The following MYO3A variants were observed in gnomAD, a reference collection of about 807,000 sequenced individuals.
The protein encoded by MYO3A is myosin-IIIa.
MYO3A carries 180 observed loss-of-function variants against 192.7 expected under a neutral mutation model. The observed-to-expected ratio is 0.93, with a 90% confidence interval of 0.83 to 1.06. MYO3A has a LOEUF of 1.06. MYO3A is among the 50% of genes least tolerant of loss of function. The pLI is 0.00. For synonymous variants in MYO3A, 628 were observed against 645.3 expected (o/e 0.97, Z 0.41); for missense variants, 1,896 against 1,905.0 (o/e 1.00, Z 0.09).
Position 26,070,204 on chromosome 10 carries a change from A to G in MYO3A, c.1264A>G (p.Asn422Asp). ...AGGATATCAATCTATGATAACATATAATTCAGATCAGGTAAGAAGAGTCTC... is the reference window on the plus strand; with the variant it reads ...AGGATATCAATCTATGATAACATATGATTCAGATCAGGTAAGAAGAGTCTC... ...DLGYQSMITY[N>D]SDQCIVISGE... is the part of the protein sequence containing the mutation. The change falls in exon 13 of 35, where the codon AAT becomes GAT. Residue 422 changes from asparagine (N) to aspartate (D), a missense_variant. Physicochemically the swap from Asn to Asp is conservative, Grantham distance 23. Coordinates refer to ENST00000642920, the MANE Select transcript of MYO3A (RefSeq NM_017433.5). 6.2e-7 allele frequency: 1 copy of G among 1,608,944 alleles called. No individual in the cohort carries two copies. Among genetic ancestry groups the G allele is most frequent in the Non-Finnish European group, 8.5e-7 (1 of 1,175,476 alleles).
chr10:26,088,471 A>C, intron 15 of MYO3A, 66 bp downstream of exon 15: 2 of 1,443,080 alleles, frequency 1.4e-6, no homozygotes, highest in Non-Finnish European at 1.9e-6. Flanking sequence ...TTTAATAGTA[A>C]AATGTCTTTC....
intron 23 of MYO3A, among the ~76,000 whole-genome samples, chr10:26,148,014 T>C (rs1564596731): frequency 6.6e-6 from 1 of 152,236 alleles, no homozygotes; most frequent in African/African-American, 2.4e-5. Context: ...GTTGTTTTTC[T>C]TTACTGGAGT....
At chr10:26,086,628 A>G (rs1045296215) in intron 14 of MYO3A, among the ~76,000 whole-genome samples, 3 of 152,010 alleles carry the variant, frequency 2.0e-5, no homozygotes, top group Non-Finnish European at 4.4e-5. Flanking sequence ...AGAGACCTAA[A>G]AAAAAAAGGT....
At chr10:26,109,104 G>A (rs1838004814) in intron 17 of MYO3A, among the ~76,000 whole-genome samples, 1 of 152,152 alleles carries the variant, frequency 6.6e-6, no homozygotes. Context: ...ATTTAATAAG[G>A]ACTTCTTGAG....
intron 2 of MYO3A, among the ~76,000 whole-genome samples, chr10:25,950,112 G>A (rs536843560): frequency 2.6e-5 from 4 of 152,226 alleles, no homozygotes; most frequent in South Asian, 2.1e-4. Flanking sequence ...CTTCATAAAG[G>A]TTGGTCAGGG....
Position 26,154,785 on chromosome 10 carries a change from A to C in MYO3A, c.2755A>C (p.Thr919Pro). ...AGCCACACGTCATGCCAGAGAGACAACCAACATGAAAACACAAACGGTTGC... is the reference window on the plus strand; with the variant it reads ...AGCCACACGTCATGCCAGAGAGACACCCAACATGAAAACACAAACGGTTGC... ...GEATRHARET[T>P]NMKTQTVASY... Residue 919 changes from threonine (T) to proline (P), a missense_variant, in exon 25 of 35, where the codon ACC (threonine) becomes CCC (proline). Transcript: ENST00000642920. The C allele has an allele frequency of 6.2e-7, 1 of 1,613,924 alleles. No homozygotes were observed. The highest frequency in any genetic ancestry group is 8.5e-7 in the Non-Finnish European group (1 of 1,179,874).
chr10:26,066,144 AG>A lies in MYO3A; in HGVS notation c.954-830del, dbSNP rs1834827851. Among the ~76,000 whole-genome samples the A allele has an allele frequency of 4.2e-5, 2 of 48,024 alleles. 1 individual carries two copies. 31.5% of individuals were successfully genotyped at this position (48,024 alleles called of 152,430 possible). A position where few individuals can be genotyped will look rare whatever the true frequency, so the allele number is the denominator to read the frequency against. On this transcript the variant is annotated intron_variant, in intron 10 of 34. Transcript: ENST00000642920. ...CTCAAAAAAAAAAAAAAAAAAAAAA[AG>A]AGCAGTGGGCTTAGATAGGGGAACA...
At chr10:26,181,090 A>G (rs1178849125) in intron 31 of MYO3A, among the ~76,000 whole-genome samples, 1 of 152,186 alleles carries the variant, frequency 6.6e-6, no homozygotes, top group Non-Finnish European at 1.5e-5. Flanking sequence ...TGACCTGAGT[A>G]TTTATAAAAA....
intron 6 of MYO3A, among the ~76,000 whole-genome samples, chr10:26,004,630 A>G (rs1841068068): frequency 6.6e-6 from 1 of 152,244 alleles, no homozygotes; most frequent in African/African-American, 2.4e-5. Flanking sequence ...TTAGGGCTCC[A>G]TGAGATGACC....
chr10:26,151,964 A>T (rs1840815258), intron 23 of MYO3A, among the ~76,000 whole-genome samples: 1 of 152,214 alleles, frequency 6.6e-6, no homozygotes, highest in South Asian at 2.1e-4. Flanking sequence ...GTGTTACTTT[A>T]TCTGACCCAG....
chr10:26,135,787 G>T (rs1442028586), intron 20 of MYO3A, among the ~76,000 whole-genome samples: 1 of 151,764 alleles, frequency 6.6e-6, no homozygotes, highest in Non-Finnish European at 1.5e-5. Context: ...CCAACATGGC[G>T]ACACCTCATC....
At chr10:25,939,467 ACTT>A (rs1270341257) in intron 2 of MYO3A, among the ~76,000 whole-genome samples, 2 of 151,774 alleles carry the variant, frequency 1.3e-5, no homozygotes, top group Non-Finnish European at 2.9e-5. Flanking sequence ...TCTGTGCACT[ACTT>A]TAGTTGCTGG....
intron 17 of MYO3A, among the ~76,000 whole-genome samples, chr10:26,117,572 T>C (rs552869539): frequency 6.6e-6 from 1 of 152,270 alleles, no homozygotes; most frequent in African/African-American, 2.4e-5. Context: ...CAGCTCCCAC[T>C]TATAAGTGAG....
intron 25 of MYO3A, among the ~76,000 whole-genome samples, chr10:26,156,973 T>C (rs1310688042): frequency 1.4e-4 from 22 of 152,176 alleles, no homozygotes; most frequent in Admixed American, 1.3e-3. Context: ...ATATTATAAT[T>C]TGGTAAGTTA....
At chr10:26,055,586 A>C (rs1469416094) in intron 10 of MYO3A, among the ~76,000 whole-genome samples, 2 of 152,208 alleles carry the variant, frequency 1.3e-5, no homozygotes, top group African/African-American at 2.4e-5. Context: ...CCGTACTTTT[A>C]TGGGTTTTAC....
chr10:26,093,138 A>C lies in MYO3A; in HGVS notation c.1563-3243A>C, dbSNP rs78543381. ...ACACTTAACTGATACAAATGTGATC[A>C]TGATTGTTAACACTTAATTGATACA... On this transcript the variant is annotated intron_variant, in intron 15 of 34. Transcript: ENST00000642920. Among the ~76,000 whole-genome samples, 947 of 152,330 alleles carry C rather than the reference A, an allele frequency of 6.2e-3. 10 individuals are homozygous for C. The highest frequency in any genetic ancestry group is 0.012 in the Non-Finnish European group (801 of 68,022).
At chr10:26,176,109 G>A (rs981604615) in intron 30 of MYO3A, among the ~76,000 whole-genome samples, 3 of 151,942 alleles carry the variant, frequency 2.0e-5, no homozygotes, top group African/African-American at 7.2e-5. Flanking sequence ...CCTGGCTAAC[G>A]TGGTGAAACC....
chr10:26,168,304 TG>T (rs971759973), intron 27 of MYO3A, among the ~76,000 whole-genome samples: 2 of 152,182 alleles, frequency 1.3e-5, no homozygotes, highest in African/African-American at 4.8e-5. Context: ...ACTATAATTC[TG>T]TCCTCTACTT....
At chr10:26,062,530 A>AAAAATCAAAAAAAACAAAAAAAAACG (rs1554816581) in intron 10 of MYO3A, among the ~76,000 whole-genome samples, 1 of 125,946 alleles carries the variant, frequency 7.9e-6, no homozygotes, top group Non-Finnish European at 1.7e-5. Context: ...AAAAAAAAAA[A>AAAAATCAAAAAAAACAAAAAAAAACG]AAATTATGGA....
Sources: gnomAD v4.1 joint callset for allele counts (sites outside exome capture counted in the v4.1 genomes callset) on GRCh38, gnomAD v4.1.1 for gene constraint, MANE v1.5 for transcripts, NCBI Gene and HGNC (gene_info 2026-07-23, HGNC 2026-07-21) for gene names.